Variants in KCNQ2 observed in about 807,000 individuals in gnomAD.
The protein encoded by KCNQ2 is potassium voltage-gated channel subfamily Q member 2, also known as potassium voltage-gated channel subfamily KQT member 2.
KCNQ2 carries 14 observed loss-of-function variants against 84.8 expected under a neutral mutation model. That is an observed-to-expected ratio of 0.17 (90% CI 0.11 to 0.26). The LOEUF (loss-of-function observed/expected upper bound fraction) is 0.26. KCNQ2 is among the 10% of genes least tolerant of loss of function. The pLI is 1.00. For missense variants in KCNQ2, 788 were observed against 1,254.0 expected (o/e 0.63, Z 5.61); for synonymous variants, 599 against 554.1 (o/e 1.08, Z -1.14).
intron 12 of KCNQ2, among the ~76,000 whole-genome samples, chr20:63,417,129 T>C (rs2145572500): frequency 6.6e-6 from 1 of 152,150 alleles, no homozygotes; most frequent in Non-Finnish European, 1.5e-5. Flanking sequence ...ACCGTGCCCA[T>C]GGGGGCCAGG....
At chr20:63,443,003 AC>A (rs2081262211) in intron 4 of KCNQ2, among the ~76,000 whole-genome samples, 1 of 129,814 alleles carries the variant, frequency 7.7e-6, no homozygotes, top group Non-Finnish European at 1.6e-5. Context: ...CACCATCACC[AC>A]CATCACCATC....
chr20:63,443,102 C>T (rs2081275705), intron 4 of KCNQ2, among the ~76,000 whole-genome samples: 1 of 99,172 alleles, frequency 1.0e-5, no homozygotes, highest in African/African-American at 3.9e-5. Context: ...ACCACCATCA[C>T]CATCACCACC....
chr20:63,451,496 C>T (rs1219101296), intron 1 of KCNQ2, among the ~76,000 whole-genome samples: 3 of 152,114 alleles, frequency 2.0e-5, no homozygotes, highest in South Asian at 2.1e-4. Context: ...CCACGTAGCT[C>T]GTGGCTTTTG....
intron 11 of KCNQ2, 34 bp from the exon 12 acceptor site, chr20:63,419,706 G>C (rs749973326): frequency 6.3e-7 from 1 of 1,580,758 alleles, no homozygotes; most frequent in Non-Finnish European, 8.6e-7. Context: ...AGTCCTGGGC[G>C]CCGGCAACAG....
chr20:63,434,218 C>T, intron 7 of KCNQ2: 1 of 404,898 alleles, frequency 2.5e-6, no homozygotes, highest in Non-Finnish European at 4.4e-6. Flanking sequence ...CTTACCTGGC[C>T]CCTGGCGGGT....
At chr20:63,441,331 T>A (rs550039819) in intron 5 of KCNQ2, among the ~76,000 whole-genome samples, 1 of 151,478 alleles carries the variant, frequency 6.6e-6, no homozygotes, top group Non-Finnish European at 1.5e-5. Context: ...CATCCCTATT[T>A]GCTATTTAAG....
At chr20:63,441,770 T>G (rs903666720) in intron 5 of KCNQ2, among the ~76,000 whole-genome samples, 6 of 152,210 alleles carry the variant, frequency 3.9e-5, no homozygotes, top group African/African-American at 1.4e-4. Context: ...TCTCATGAAA[T>G]TAATAAAATA....
At chr20:63,440,862 C>T (rs767593365) in intron 5 of KCNQ2, among the ~76,000 whole-genome samples, 11 of 151,910 alleles carry the variant, frequency 7.2e-5, no homozygotes, top group East Asian at 3.9e-4. Context: ...ACAGAGTGGG[C>T]GGGAGGCTGG....
At chr20:63,469,511 T>C (rs1282849328) in intron 1 of KCNQ2, among the ~76,000 whole-genome samples, 1 of 152,150 alleles carries the variant, frequency 6.6e-6, no homozygotes, top group Non-Finnish European at 1.5e-5. Context: ...CCTGGGGCCA[T>C]GGGGCAGCAG....
rs142729516 is a variant in KCNQ2 at position 63,406,933 on chromosome 20, G to C, written c.2330C>G (p.Pro777Arg). 193 of 1,600,288 alleles carry C rather than the reference G, an allele frequency of 1.2e-4. No homozygotes were observed. The highest frequency in any genetic ancestry group is 1.5e-4 in the Non-Finnish European group (179 of 1,176,022). ...RQEDTPGCRP[P>R]EGNLRDSDTS... ...GTCGCTGTCCCGCAGGTTCCCCTCG[G>C]GGGGCCTGCAGCCCGGGGTGTCCTC... The change falls in exon 17 of 17, where the codon CCC (proline) becomes CGC (arginine). Residue 777 changes from proline (P) to arginine (R), a missense_variant. Pro to Arg is a moderately radical substitution (Grantham distance 103, BLOSUM62 -2). Coordinates refer to ENST00000359125, the MANE Select transcript of KCNQ2 (RefSeq NM_172107.4).
In KCNQ2 at chr20:63,460,898, C is replaced by A. The variant is rs927150037; in HGVS notation, c.296+11270G>T. ...ACAGGTGGCTGGACAGGTGCTGCGG[C>A]AGCCCCAGGTCAGAGACAAGCCAAC... On this transcript the variant is annotated intron_variant, in intron 1 of 16. Coordinates refer to ENST00000359125, the MANE Select transcript of KCNQ2 (RefSeq NM_172107.4). This position sits in a 1 kb window ranked among gnomAD's most constrained non-coding sequence, Gnocchi z 5.4. 6.6e-6 allele frequency: 1 copy of A among 152,268 alleles called. No homozygotes were observed. Among genetic ancestry groups the A allele is most frequent in the South Asian group, 2.1e-4 (1 of 4,828 alleles). 9.4% of individuals were successfully genotyped at this position (152,268 alleles called of 1,614,324 possible). A position where few individuals can be genotyped will look rare whatever the true frequency, so the allele number is the denominator to read the frequency against.
At chr20:63,442,941 C>T (rs796925653) in intron 4 of KCNQ2, among the ~76,000 whole-genome samples, 12 of 24,084 alleles carry the variant, frequency 5.0e-4, no homozygotes, top group South Asian at 1.3e-3. Flanking sequence ...ATCACCACCA[C>T]CATCACCATC....
intron 15 of KCNQ2, chr20:63,413,139 T>G (rs940718882): frequency 4.7e-6 from 2 of 422,998 alleles, no homozygotes; most frequent in African/African-American, 4.1e-5. Flanking sequence ...CACATACACC[T>G]GTGCAGAAGC....
chr20:63,407,047 A>G lies in KCNQ2; in HGVS notation c.2216T>C (p.Leu739Pro). The change falls in exon 17 of 17, where the codon CTG becomes CCG. Residue 739 changes from leucine (L) to proline (P), a missense_variant. Leu to Pro is a moderately conservative substitution (Grantham distance 98, BLOSUM62 -3). Transcript: ENST00000359125. This position sits in a 1 kb window ranked among gnomAD's most constrained non-coding sequence, Gnocchi z 7.2. Reference sequence around the variant, plus strand: ...GGCAGGCGGCGGCGGGATGCGCACCAGGGAGCCGTGGTCCCCCACGGGGGA... The same window carrying G: ...GGCAGGCGGCGGCGGGATGCGCACCGGGGAGCCGTGGTCCCCCACGGGGGA... Reference protein sequence around the residue: ...GTSPVGDHGSLVRIPPPPAHE... With the variant: ...GTSPVGDHGSPVRIPPPPAHE... 1 of 1,520,158 alleles carries G rather than the reference A, an allele frequency of 6.6e-7. No individual in the cohort carries two copies. The highest frequency in any genetic ancestry group is 8.8e-7 in the Non-Finnish European group (1 of 1,136,620). The allele number at this position is 1,520,158 out of a possible 1,614,324, so 94.2% of individuals were successfully genotyped here.
In KCNQ2 at chr20:63,414,864, C is replaced by A; in HGVS notation, c.1525+39G>T. The A allele has an allele frequency of 6.3e-7, 1 of 1,599,826 alleles. No homozygotes were observed. Among genetic ancestry groups the A allele is most frequent in the South Asian group, 1.1e-5 (1 of 90,798 alleles). On this transcript the variant is annotated intron_variant, in intron 13 of 16. Transcript: ENST00000359125. The surrounding 1 kb of genome is among the most constrained non-coding windows in gnomAD (Gnocchi z 6.6). The stretch of plus-strand genomic sequence containing the variant: ...GTAGCGTGGCCACCACATCCATCCC[C>A]GGAGAGGATGGACCAGGAGAGGATG...
rs751657917 is a variant in KCNQ2 at position 63,407,053 on chromosome 20, C to A, written c.2210G>T (p.Gly737Val). The change falls in exon 17 of 17, where the codon GGC becomes GTC. Residue 737 changes from glycine (G) to valine (V), a missense_variant. Around this residue, in one of 8 missense-constraint regions of KCNQ2, gnomAD observed 378 missense variants for 434.5 expected, o/e 0.87. Coordinates refer to ENST00000359125, the MANE Select transcript of KCNQ2 (RefSeq NM_172107.4). The surrounding 1 kb of genome is among the most constrained non-coding windows in gnomAD (Gnocchi z 7.2). ...GHGTSPVGDH[G>V]SLVRIPPPPA... ...CGGCGGCGGGATGCGCACCAGGGAG[C>A]CGTGGTCCCCCACGGGGGAGGTGCC... 1.3e-6 allele frequency: 2 copies of A among 1,519,212 alleles called. No homozygotes were observed. Among genetic ancestry groups the A allele is most frequent in the Non-Finnish European group, 1.8e-6 (2 of 1,135,914 alleles). 94.1% of individuals were successfully genotyped at this position (1,519,212 alleles called of 1,614,324 possible).
intron 9 of KCNQ2, among the ~76,000 whole-genome samples, chr20:63,430,708 GGGGTGGGAC>G (rs1326337415): frequency 6.6e-6 from 1 of 152,226 alleles, no homozygotes; most frequent in African/African-American, 2.4e-5. Context: ...AGTGGGGACA[GGGGTGGGAC>G]GGCCTGGAGC....
chr20:63,471,193 C>T (rs1411712776), intron 1 of KCNQ2: 1 of 152,350 alleles, frequency 6.6e-6, no homozygotes, highest in African/African-American at 2.4e-5. Context: ...AATGGCCGGT[C>T]CCGGAGCTCA....
chr20:63,410,466 A>G (rs1294738622), intron 15 of KCNQ2, among the ~76,000 whole-genome samples: 2 of 152,192 alleles, frequency 1.3e-5, no homozygotes, highest in African/African-American at 4.8e-5. Context: ...CCTAGCCACA[A>G]GACCGTCCGA....
Sources: gnomAD v4.1 joint callset for allele counts (sites outside exome capture counted in the v4.1 genomes callset) on GRCh38, gnomAD v4.1.1 for gene constraint, gnomAD v4.1.1 regional missense constraint, Gnocchi (gnomAD v3.1) non-coding constraint, MANE v1.5 for transcripts, NCBI Gene and HGNC (gene_info 2026-07-23, HGNC 2026-07-21) for gene names.